IQCK: variants seen among roughly 807,000 people sequenced by gnomAD.
IQCK encodes the protein IQ motif containing K, also known as IQ domain-containing protein K.
IQCK carries 29 observed loss-of-function variants against 28.1 expected under a neutral mutation model. That is an observed-to-expected ratio of 1.03 (90% CI 0.77 to 1.41). The LOEUF is 1.41. Among genes scored for constraint, IQCK ranks in the 40% most tolerant of loss-of-function variants. The probability of loss-of-function intolerance (pLI) is 0.00; values close to 1 mark genes in which losing one functional copy is unlikely to be tolerated. For missense variants in IQCK, 359 were observed against 314.7 expected (o/e 1.14, Z -1.07); for synonymous variants, 113 against 115.1 (o/e 0.98, Z 0.12).
chr16:19,852,517 T>G (rs1455883794), intron 9 of IQCK, among the ~76,000 whole-genome samples: 1 of 152,218 alleles, frequency 6.6e-6, no homozygotes, highest in Non-Finnish European at 1.5e-5. Flanking sequence ...TTGCTTTTCT[T>G]TGGAGCTCTT....
exon 10 of IQCK, chr16:19,857,625 A>G: frequency 6.7e-6 from 2 of 297,340 alleles, no homozygotes; most frequent in Non-Finnish European, 1.3e-5. Flanking sequence ...ATTGGATTAT[A>G]AAAGCCACAA....
At chr16:19,804,923 A>G (rs944324600) in intron 7 of IQCK, among the ~76,000 whole-genome samples, 23 of 152,202 alleles carry the variant, frequency 1.5e-4, no homozygotes, top group African/African-American at 5.3e-4. Context: ...TAAGCGCCAG[A>G]TTCTTTTTTC....
At chr16:19,815,290 C>T (rs1006752393) in intron 7 of IQCK, among the ~76,000 whole-genome samples, 3 of 152,094 alleles carry the variant, frequency 2.0e-5, no homozygotes, top group Admixed American at 1.3e-4. Context: ...ACTGTCCCAC[C>T]GCAGTAGAAT....
downstream of IQCK, among the ~76,000 whole-genome samples, chr16:19,831,972 C>T (rs979671394): frequency 1.3e-5 from 2 of 152,074 alleles, no homozygotes; most frequent in East Asian, 3.9e-4. Context: ...AGGACAGATG[C>T]AGGAATTATT....
chr16:19,838,521 C>T (rs528554387), intron 9 of IQCK, among the ~76,000 whole-genome samples: 4 of 152,044 alleles, frequency 2.6e-5, no homozygotes, highest in Admixed American at 6.6e-5. Flanking sequence ...TGGAGCTAAC[C>T]GGGAGGGCAA....
intron 1 of IQCK, among the ~76,000 whole-genome samples, chr16:19,724,541 G>A (rs1427033503): frequency 6.6e-6 from 1 of 151,228 alleles, no homozygotes; most frequent in African/African-American, 2.4e-5. Context: ...TTTGTTTTTT[G>A]TTTTTGAGTC....
At chr16:19,761,793 T>C (rs1029292685) in intron 4 of IQCK, 14 of 184,528 alleles carry the variant, frequency 7.6e-5, no homozygotes, top group African/African-American at 3.0e-4. Flanking sequence ...CAGCTGCCTG[T>C]ATTGAAAACT....
At chr16:19,752,445 A>G (rs993361079) in intron 4 of IQCK, among the ~76,000 whole-genome samples, 3 of 152,240 alleles carry the variant, frequency 2.0e-5, no homozygotes, top group African/African-American at 7.2e-5. Flanking sequence ...AGTATTAAGT[A>G]TGCAGAGCTA....
chr16:19,757,396 G>T (rs1371658833), intron 4 of IQCK, among the ~76,000 whole-genome samples: 6 of 152,190 alleles, frequency 3.9e-5, no homozygotes, highest in Admixed American at 2.6e-4. Context: ...TTTTCGGCTG[G>T]GCGCTGTGGC....
At chr16:19,762,019 A>G (rs1028696996) in intron 4 of IQCK, 2 of 152,658 alleles carry the variant, frequency 1.3e-5, no homozygotes, top group African/African-American at 4.8e-5. Context: ...GTTCCAGCCT[A>G]GAAGAAGTGA....
intron 4 of IQCK, among the ~76,000 whole-genome samples, chr16:19,737,847 G>GA (rs559342611): frequency 1.6e-3 from 236 of 151,410 alleles, no homozygotes; most frequent in African/African-American, 5.4e-3. Flanking sequence ...GCTTTTTTTA[G>GA]AAAAAAAATC....
At chr16:19,809,649 T>A (rs769375950) in intron 7 of IQCK, among the ~76,000 whole-genome samples, 3 of 152,210 alleles carry the variant, frequency 2.0e-5, no homozygotes, top group African/African-American at 7.2e-5. Flanking sequence ...ATAGACTCCC[T>A]CATTCAATGA....
In IQCK at chr16:19,735,343, T is replaced by A. The variant is rs774455695; in HGVS notation, c.377-10T>A. 1.2e-6 allele frequency: 2 copies of A among 1,606,038 alleles called. No homozygotes were observed. The highest frequency in any genetic ancestry group is 1.7e-6 in the Non-Finnish European group (2 of 1,172,790). ...GATTTGCAGGGGGAATTTTTGTTTG[T>A]TTGTTTTAGGTTCTCCCAAAGAATA... On this transcript the variant is annotated splice_polypyrimidine_tract_variant and intron_variant, in intron 3 of 7. Coordinates refer to ENST00000564186, the Ensembl canonical transcript of IQCK.
chr16:19,853,279 T>A (rs970415264), intron 9 of IQCK, among the ~76,000 whole-genome samples: 1 of 152,118 alleles, frequency 6.6e-6, no homozygotes, highest in Admixed American at 6.6e-5. Flanking sequence ...CGTCACACCT[T>A]GATTTCCAGC....
intron 9 of IQCK, among the ~76,000 whole-genome samples, chr16:19,845,967 T>A (rs2056411419): frequency 6.6e-6 from 1 of 151,964 alleles, no homozygotes. Context: ...TCCCAGTTAC[T>A]TGGGAGGCTG....
intron 4 of IQCK, among the ~76,000 whole-genome samples, chr16:19,750,951 C>T (rs890528322): frequency 6.6e-6 from 1 of 151,974 alleles, no homozygotes; most frequent in Admixed American, 6.6e-5. Context: ...GGGGTGGTGT[C>T]AGAAATGTGG....
chr16:19,766,072 A>G (rs2055232392), intron 6 of IQCK: 1 of 152,232 alleles, frequency 6.6e-6, no homozygotes, highest in South Asian at 2.1e-4. Context: ...CAGAAACACA[A>G]GAGCTCTTGC....
At chr16:19,752,548 G>C (rs956730118) in intron 4 of IQCK, among the ~76,000 whole-genome samples, 5 of 152,022 alleles carry the variant, frequency 3.3e-5, no homozygotes, top group African/African-American at 1.2e-4. Flanking sequence ...GAAAGGGATT[G>C]TTTTCTTTCT....
chr16:19,835,110 CAA>C (rs927290103), intron 9 of IQCK, among the ~76,000 whole-genome samples: 1 of 151,714 alleles, frequency 6.6e-6, no homozygotes, highest in Non-Finnish European at 1.5e-5. Flanking sequence ...ACTAAAAATA[CAA>C]AAAAATTAGC....
Sources: gnomAD v4.1 joint callset for allele counts (sites outside exome capture counted in the v4.1 genomes callset) on GRCh38, gnomAD v4.1.1 for gene constraint, MANE v1.5 for transcripts, NCBI Gene and HGNC (gene_info 2026-07-23, HGNC 2026-07-21) for gene names.